The following CDK6 variants were observed in gnomAD, a reference collection of about 807,000 sequenced individuals.
The protein encoded by CDK6 is cyclin dependent kinase 6.
In CDK6, 6 loss-of-function variants were observed where a neutral mutation model predicts 37.1. The ratio of observed to expected loss-of-function variants is 0.16; its 90% CI spans 0.09 to 0.32. The LOEUF (loss-of-function observed/expected upper bound fraction) is 0.32, where lower values mean the gene tolerates loss of function less well. Among genes scored for constraint, CDK6 ranks in the 10% least tolerant of loss-of-function variants. CDK6 has a pLI of 1.00. For synonymous variants in CDK6, 160 were observed against 161.3 expected (o/e 0.99, Z 0.06); for missense variants, 224 against 418.9 (o/e 0.53, Z 4.06).
At chr7:92,820,699 A>G (rs1801149977) in intron 2 of CDK6, among the ~76,000 whole-genome samples, 1 of 152,156 alleles carries the variant, frequency 6.6e-6, no homozygotes, top group African/African-American at 2.4e-5. Context: ...GGAAATACAC[A>G]GTAATATTAA....
chr7:92,790,341 T>C (rs1485813115), intron 2 of CDK6, among the ~76,000 whole-genome samples: 2 of 152,138 alleles, frequency 1.3e-5, no homozygotes, highest in South Asian at 2.1e-4. Flanking sequence ...TCAACACCCT[T>C]GGCCAGTTTT....
chr7:92,699,056 A>G (rs1797784462), intron 4 of CDK6, among the ~76,000 whole-genome samples: 1 of 152,150 alleles, frequency 6.6e-6, no homozygotes, highest in South Asian at 2.1e-4. Flanking sequence ...CCATAACTAT[A>G]TTTTAAGCAT....
chr7:92,771,053 A>G (rs548797427), intron 3 of CDK6, among the ~76,000 whole-genome samples: 2 of 152,054 alleles, frequency 1.3e-5, no homozygotes, highest in South Asian at 4.2e-4. Context: ...CCTGACTAAC[A>G]TGGTGAAACC....
At chr7:92,762,189 C>T (rs893509769) in intron 3 of CDK6, among the ~76,000 whole-genome samples, 2 of 152,180 alleles carry the variant, frequency 1.3e-5, no homozygotes, top group Non-Finnish European at 1.5e-5. Flanking sequence ...TGTAATGTTT[C>T]AGGCACTTAC....
At chr7:92,753,879 G>C (rs1483859750) in intron 3 of CDK6, among the ~76,000 whole-genome samples, 1 of 152,204 alleles carries the variant, frequency 6.6e-6, no homozygotes, top group Non-Finnish European at 1.5e-5. Flanking sequence ...TCAGCTCATG[G>C]AATGATATAA....
At chr7:92,642,445 G>A (rs976560915) in intron 5 of CDK6, among the ~76,000 whole-genome samples, 1 of 152,092 alleles carries the variant, frequency 6.6e-6, no homozygotes, top group Non-Finnish European at 1.5e-5. Context: ...CCACGCTTGA[G>A]GTTCTGTCTA....
chr7:92,743,930 G>A (rs946271036), intron 3 of CDK6, among the ~76,000 whole-genome samples: 2 of 152,148 alleles, frequency 1.3e-5, no homozygotes, highest in Admixed American at 1.3e-4. Context: ...GGAATGTTCT[G>A]TATCTTGATC....
chr7:92,815,036 AAG>A (rs1800991042), intron 2 of CDK6, among the ~76,000 whole-genome samples: 2 of 152,152 alleles, frequency 1.3e-5, no homozygotes, highest in African/African-American at 4.8e-5. Context: ...ACCGTGGAGG[AAG>A]CAGAAGCTGG....
At chr7:92,630,884 C>T (rs548605192) in intron 5 of CDK6, among the ~76,000 whole-genome samples, 28 of 152,228 alleles carry the variant, frequency 1.8e-4, no homozygotes, top group African/African-American at 4.8e-4. Flanking sequence ...TGATTAGAGA[C>T]GATCAGGGAC....
chr7:92,815,974 C>A (rs564692178), intron 2 of CDK6, among the ~76,000 whole-genome samples: 64 of 152,186 alleles, frequency 4.2e-4, no homozygotes, highest in African/African-American at 1.4e-3. Context: ...CTAAACTAGC[C>A]TGGAAGCAAA....
At chr7:92,619,911 A>G (rs903160953) in intron 6 of CDK6, among the ~76,000 whole-genome samples, 1 of 152,168 alleles carries the variant, frequency 6.6e-6, no homozygotes, top group African/African-American at 2.4e-5. Context: ...TACCACTATT[A>G]ATTATGAAAA....
chr7:92,642,480 G>T (rs1489094073), intron 5 of CDK6, among the ~76,000 whole-genome samples: 1 of 152,080 alleles, frequency 6.6e-6, no homozygotes, highest in Non-Finnish European at 1.5e-5. Flanking sequence ...CAGGTCCTTG[G>T]ACTTTTTTGA....
intron 5 of CDK6, among the ~76,000 whole-genome samples, chr7:92,632,697 C>A (rs1585351517): frequency 6.6e-6 from 1 of 152,002 alleles, no homozygotes; most frequent in East Asian, 1.9e-4. Flanking sequence ...TTAAAAATAA[C>A]AAATTATTGC....
intron 2 of CDK6, among the ~76,000 whole-genome samples, chr7:92,790,790 T>C (rs1193414085): frequency 1.3e-5 from 2 of 152,036 alleles, no homozygotes; most frequent in African/African-American, 4.8e-5. Flanking sequence ...GAGGAAAACT[T>C]TGTAGAAGAA....
chr7:92,833,341 C>G lies in CDK6; in HGVS notation c.-18G>C, dbSNP rs555410001. On this transcript the variant is annotated 5_prime_UTR_variant, in exon 2 of 8. Transcript: ENST00000424848. This position sits in a 1 kb window ranked among gnomAD's most constrained non-coding sequence, Gnocchi z 6.1. ...TTCTCCATGCCGCCTGGACGCCGCCCGCCGCGGCGCCGCTGGGGCGGGCGG... is the reference window on the plus strand; with the variant it reads ...TTCTCCATGCCGCCTGGACGCCGCCGGCCGCGGCGCCGCTGGGGCGGGCGG... 3 of 1,538,502 alleles carry G rather than the reference C, an allele frequency of 1.9e-6. No homozygotes were observed. The highest frequency in any genetic ancestry group is 1.2e-5 in the South Asian group (1 of 84,622).
At chr7:92,762,737 T>A (rs1799487776) in intron 3 of CDK6, among the ~76,000 whole-genome samples, 1 of 151,918 alleles carries the variant, frequency 6.6e-6, no homozygotes, top group Non-Finnish European at 1.5e-5. Context: ...CCAGCTAATT[T>A]TTTTTTTGTA....
At chr7:92,663,057 G>A (rs1796873349) in intron 5 of CDK6, among the ~76,000 whole-genome samples, 1 of 152,134 alleles carries the variant, frequency 6.6e-6, no homozygotes, top group South Asian at 2.1e-4. Context: ...GTCAGCGAGG[G>A]GAGGTATTGG....
chr7:92,699,305 A>C (rs1797790437), intron 4 of CDK6, among the ~76,000 whole-genome samples: 1 of 152,240 alleles, frequency 6.6e-6, no homozygotes, highest in Non-Finnish European at 1.5e-5. Flanking sequence ...ACCTCGATTA[A>C]GTCAATAATT....
At chr7:92,755,259 G>T (rs1329361569) in intron 3 of CDK6, among the ~76,000 whole-genome samples, 1 of 152,128 alleles carries the variant, frequency 6.6e-6, no homozygotes, top group Non-Finnish European at 1.5e-5. Flanking sequence ...AGCTGTCTGT[G>T]TAGGGCTAAT....
Sources: allele counts gnomAD v4.1 joint callset (sites outside exome capture counted in the v4.1 genomes callset), GRCh38; gene constraint gnomAD v4.1.1; non-coding constraint Gnocchi (gnomAD v3.1); transcripts MANE v1.5; gene names NCBI Gene and HGNC (gene_info 2026-07-23, HGNC 2026-07-21).